The following HRH4 variants were observed in gnomAD, a reference collection of about 807,000 sequenced individuals.
The protein encoded by HRH4 is histamine H4 receptor.
HRH4 carries 12 observed loss-of-function variants against 10.4 expected under a neutral mutation model. That is an observed-to-expected ratio of 1.15 (90% CI 0.74 to 1.87). The LOEUF (loss-of-function observed/expected upper bound fraction) is 1.87, where lower values mean the gene tolerates loss of function less well. Ranked by LOEUF, HRH4 falls within the 40% of genes most tolerant of loss-of-function variation. The pLI, the probability that HRH4 is intolerant of heterozygous loss-of-function variation, is 0.00. For synonymous variants in HRH4, 154 were observed against 166.6 expected, an observed-to-expected ratio of 0.92 and a Z score of 0.58; for missense variants, 415 against 453.3, an observed-to-expected ratio of 0.92 and a Z score of 0.77.
Position 24,479,367 on chromosome 18 carries a change from G to C in HRH4, c.*1805G>C, listed in dbSNP as rs887255930. ...AATATTTTACATTGTACTGCTCAGA[G>C]GTATTCCTTTATTATGTGGTTAGCA... is the stretch of plus-strand genomic sequence containing the variant. On this transcript the variant is annotated 3_prime_UTR_variant, in exon 3 of 3. Coordinates refer to ENST00000256906, the MANE Select transcript of HRH4 (RefSeq NM_021624.4). The C allele has an allele frequency of 4.7e-4, 71 of 152,152 alleles. 1 individual carries two copies. The highest frequency in any genetic ancestry group is 4.6e-3 in the Admixed American group (71 of 15,276). The allele number at this position is 152,152 out of a possible 1,614,324, so 9.4% of individuals were successfully genotyped here.
intron 1 of HRH4, among the ~76,000 whole-genome samples, chr18:24,462,516 A>G (rs151061700): frequency 6.6e-6 from 1 of 152,306 alleles, no homozygotes; most frequent in East Asian, 1.9e-4. Flanking sequence ...GCCAACAGGC[A>G]GAGCAGCTAA....
rs777272194 is a variant in HRH4, at chr18:24,477,278, A to G, written c.889A>G (p.Arg297Gly). 2 of 1,614,250 alleles carry G rather than the reference A, an allele frequency of 1.2e-6. No homozygotes were observed. Among genetic ancestry groups the G allele is most frequent in the Admixed American group, 3.3e-5 (2 of 60,030 alleles). ...CCAAAGGGAACATGTTGAACTGCTTAGAGCCAGGAGATTAGCCAAGTCACT... is the reference window on the plus strand; with the variant it reads ...CCAAAGGGAACATGTTGAACTGCTTGGAGCCAGGAGATTAGCCAAGTCACT... ...LHQREHVELL[R>G]ARRLAKSLAI... The change falls in exon 3 of 3, where the codon AGA (arginine) becomes GGA (glycine). Residue 297 changes from arginine to glycine, a missense_variant. By Grantham distance (125) the Arg-to-Gly change is moderately radical. Transcript: ENST00000256906.
rs1421430086 is a variant in HRH4 at position 24,478,018 on chromosome 18, G to T, written c.*456G>T. On this transcript the variant is annotated 3_prime_UTR_variant, in exon 3 of 3. Coordinates refer to ENST00000256906, the MANE Select transcript of HRH4 (RefSeq NM_021624.4). ...GGTGAGGTAGGGTTTGAGTTGGCAA[G>T]AGCAGGGAACGGGCATGTGCCCAGG... The T allele has an allele frequency of 6.5e-6, 1 of 154,118 alleles. No homozygotes were observed. The allele number at this position is 154,118 out of a possible 1,614,324, so 9.5% of individuals were successfully genotyped here.
chr18:24,472,999 A>T (rs1402555395), intron 2 of HRH4, among the ~76,000 whole-genome samples: 4 of 152,174 alleles, frequency 2.6e-5, no homozygotes, highest in Admixed American at 2.6e-4. Flanking sequence ...TACTAAAAAT[A>T]CAAAAATCAG....
In HRH4 at chr18:24,468,963, C is replaced by A; in HGVS notation, c.357+12C>A. 1 of 1,579,912 alleles carries A rather than the reference C, an allele frequency of 6.3e-7. No homozygotes were observed. The highest frequency in any genetic ancestry group is 8.6e-7 in the Non-Finnish European group (1 of 1,162,940). Reference sequence around the variant, plus strand: ...CAGTCTCAAATGCTGTAAGTCGAAACATTAATTTATCCCCCTTAGAAGATT... The same window carrying A: ...CAGTCTCAAATGCTGTAAGTCGAAAAATTAATTTATCCCCCTTAGAAGATT... On this transcript the variant is annotated intron_variant, in intron 2 of 2. Transcript: ENST00000256906.
At chr18:24,461,764 CT>C (rs34478102) in intron 1 of HRH4, among the ~76,000 whole-genome samples, 10,100 of 140,748 alleles carry the variant, frequency 0.072, 611 homozygotes, top group African/African-American at 0.18. Context: ...TGTTAGTTCT[CT>C]TTTTTTTTTT....
In HRH4 at chr18:24,477,614, T is replaced by C. The variant is rs774955412; in HGVS notation, c.*52T>C. 28 of 1,275,124 alleles carry C rather than the reference T, an allele frequency of 2.2e-5. No individual in the cohort carries two copies. The highest frequency in any genetic ancestry group is 3.0e-5 in the Non-Finnish European group (28 of 924,350). 79.0% of individuals were successfully genotyped at this position (1,275,124 alleles called of 1,614,324 possible). A position where few individuals can be genotyped will look rare whatever the true frequency, so the allele number is the denominator to read the frequency against. On this transcript the variant is annotated 3_prime_UTR_variant, in exon 3 of 3. Coordinates refer to ENST00000256906, the MANE Select transcript of HRH4 (RefSeq NM_021624.4). Reference sequence around the variant, plus strand: ...TTAGTCTCAATCTCACCTAAATGAATCAGGTCTGCCCTTTATCTTGCCCTT... The same window carrying C: ...TTAGTCTCAATCTCACCTAAATGAACCAGGTCTGCCCTTTATCTTGCCCTT...
chr18:24,469,295 A>G (rs996274692), intron 2 of HRH4, among the ~76,000 whole-genome samples: 7 of 152,194 alleles, frequency 4.6e-5, no homozygotes, highest in African/African-American at 1.4e-4. Flanking sequence ...ACCTGAATAT[A>G]TTCCTCGGAA....
At chr18:24,469,724 A>C (rs1387824140) in intron 2 of HRH4, among the ~76,000 whole-genome samples, 1 of 152,200 alleles carries the variant, frequency 6.6e-6, no homozygotes, top group Non-Finnish European at 1.5e-5. Context: ...GCTGGGATAC[A>C]GAAGTGAATA....
rs140410783 is a variant in HRH4 at position 24,468,621 on chromosome 18, G to A, written c.194-167G>A. On this transcript the variant is annotated intron_variant, in intron 1 of 2. Coordinates refer to ENST00000256906, the MANE Select transcript of HRH4 (RefSeq NM_021624.4). ...AAAAATGGCGTTTAAGGAGTGTGTA[G>A]AAAATCAGTCCTGAGCTGCTTGATG... Among the ~76,000 whole-genome samples, 1,104 of 152,312 alleles carry A rather than the reference G, an allele frequency of 7.2e-3. 16 individuals carry two copies. Among genetic ancestry groups the A allele is most frequent in the African/African-American group, 0.025 (1,022 of 41,558 alleles).
chr18:24,471,716 C>A (rs1211234391), intron 2 of HRH4, among the ~76,000 whole-genome samples: 2 of 148,936 alleles, frequency 1.3e-5, no homozygotes, highest in African/African-American at 4.9e-5. Context: ...TTTATGAATA[C>A]TTCCATCTGT....
At chr18:24,476,505 A>G (rs73400234) in intron 2 of HRH4, among the ~76,000 whole-genome samples, 2,467 of 152,298 alleles carry the variant, frequency 0.016, 62 homozygotes, top group African/African-American at 0.057. Context: ...GACATTTTCT[A>G]TAGTATTCAG....
At chr18:24,473,310 A>G (rs657132) in intron 2 of HRH4, among the ~76,000 whole-genome samples, 136,434 of 152,210 alleles carry the variant, frequency 0.9, 61,456 homozygotes, top group African/African-American at 0.94. Context: ...TGTTTGCTGG[A>G]GCTACCAAAA....
chr18:24,461,763 T>C (rs903948610), intron 1 of HRH4, among the ~76,000 whole-genome samples: 4 of 146,194 alleles, frequency 2.7e-5, no homozygotes, highest in Admixed American at 6.6e-5. Flanking sequence ...ATGTTAGTTC[T>C]CTTTTTTTTT....
At chr18:24,465,464 TG>T (rs1425948005) in intron 1 of HRH4, among the ~76,000 whole-genome samples, 1 of 151,374 alleles carries the variant, frequency 6.6e-6, no homozygotes, top group African/African-American at 2.4e-5. Flanking sequence ...GAAGTAGGAG[TG>T]GGACTGCGGA....
chr18:24,479,186 C>G lies in HRH4; in HGVS notation c.*1624C>G, dbSNP rs1388051297. On this transcript the variant is annotated 3_prime_UTR_variant, in exon 3 of 3. Transcript: ENST00000256906. ...ACAGGGTATTGCCGTGTTGGCCAGA[C>G]TGGTCTCAAACTCCTGGGCTGAAAC... 3 of 151,688 alleles carry G rather than the reference C, an allele frequency of 2.0e-5. No homozygotes were observed. Among genetic ancestry groups the G allele is most frequent in the Non-Finnish European group, 4.4e-5 (3 of 67,938 alleles). 9.4% of individuals were successfully genotyped at this position (151,688 alleles called of 1,614,324 possible). A position where few individuals can be genotyped will look rare whatever the true frequency, so the allele number is the denominator to read the frequency against.
chr18:24,474,293 T>C (rs979804092), intron 2 of HRH4, among the ~76,000 whole-genome samples: 5 of 151,298 alleles, frequency 3.3e-5, no homozygotes, highest in African/African-American at 1.2e-4. Flanking sequence ...ATGTGAGAGC[T>C]CATGGTCAGC....
At chr18:24,476,037 A>G (rs1032289286) in intron 2 of HRH4, among the ~76,000 whole-genome samples, 2 of 152,140 alleles carry the variant, frequency 1.3e-5, no homozygotes, top group African/African-American at 4.8e-5. Context: ...AAACTAAAAA[A>G]AAAGTCTTTT....
At chr18:24,466,773 G>T (rs1909788086) in intron 1 of HRH4, among the ~76,000 whole-genome samples, 1 of 152,038 alleles carries the variant, frequency 6.6e-6, no homozygotes, top group Non-Finnish European at 1.5e-5. Flanking sequence ...GGAATTCCTG[G>T]AAGTACCTGA....
Sources: allele counts gnomAD v4.1 joint callset (sites outside exome capture counted in the v4.1 genomes callset), GRCh38; gene constraint gnomAD v4.1.1; transcripts MANE v1.5; gene names NCBI Gene and HGNC (gene_info 2026-07-23, HGNC 2026-07-21).